NKAIN3: variants seen among roughly 807,000 people sequenced by gnomAD.
The protein encoded by NKAIN3 is sodium/potassium-transporting ATPase subunit beta-1-interacting protein 3.
A neutral mutation model predicts 30.2 loss-of-function variants in NKAIN3; 25 were observed. The observed-to-expected ratio is 0.83, with a 90% CI of 0.60 to 1.16. NKAIN3 has a LOEUF of 1.16. Among genes scored for constraint, NKAIN3 ranks in the 50% most tolerant of loss-of-function variants. NKAIN3 has a pLI of 0.00. For synonymous variants in NKAIN3, 91 were observed against 89.6 expected (o/e 1.02, Z -0.09); for missense variants, 225 against 254.1 (o/e 0.89, Z 0.78).
At chr8:62,926,347 G>T (rs564055029) in intron 5 of NKAIN3, among the ~76,000 whole-genome samples, 47 of 152,138 alleles carry the variant, frequency 3.1e-4, no homozygotes, top group African/African-American at 1.1e-3. Flanking sequence ...CCTTCTCAAC[G>T]GTCTCACAAA....
intron 3 of NKAIN3, among the ~76,000 whole-genome samples, chr8:62,736,835 T>C (rs1037957527): frequency 2.6e-5 from 4 of 152,190 alleles, no homozygotes; most frequent in Non-Finnish European, 5.9e-5. Context: ...TGAGACAAAG[T>C]CTTAAGTGGC....
At chr8:62,810,591 T>C (rs1156529641) in intron 4 of NKAIN3, among the ~76,000 whole-genome samples, 2 of 152,046 alleles carry the variant, frequency 1.3e-5, no homozygotes, top group African/African-American at 4.8e-5. Context: ...TTTTTATGTT[T>C]TATTTACCAT....
chr8:62,331,783 G>C (rs1879489), intron 1 of NKAIN3, among the ~76,000 whole-genome samples: 1 of 152,012 alleles, frequency 6.6e-6, no homozygotes, highest in African/African-American at 2.4e-5. Context: ...AGGTTATTAC[G>C]TATGTTGTCC....
chr8:62,957,604 T>C lies in NKAIN3; in HGVS notation c.603+3632T>C, dbSNP rs567760028. Among the ~76,000 whole-genome samples the C allele has an allele frequency of 8.2e-4, 125 of 152,228 alleles. 1 individual carries two copies. Among genetic ancestry groups the C allele is most frequent in the African/African-American group, 3.0e-3 (123 of 41,542 alleles). Reference sequence around the variant, plus strand: ...GGAGCATTAAATGCATGTTATGAAATGAAGGAAGTCAAACTGAAAAGGCTA... The same window carrying C: ...GGAGCATTAAATGCATGTTATGAAACGAAGGAAGTCAAACTGAAAAGGCTA... On this transcript the variant is annotated intron_variant, in intron 6 of 6. Coordinates refer to ENST00000623646, the MANE Select transcript of NKAIN3 (RefSeq NM_001304533.3).
At chr8:62,346,456 C>G (rs1263358468) in intron 1 of NKAIN3, among the ~76,000 whole-genome samples, 2 of 151,982 alleles carry the variant, frequency 1.3e-5, no homozygotes, top group East Asian at 3.9e-4. Context: ...GATTTGTAGA[C>G]CTTATGCAGC....
intron 3 of NKAIN3, among the ~76,000 whole-genome samples, chr8:62,677,508 A>G (rs750415480): frequency 6.6e-5 from 10 of 152,216 alleles, no homozygotes; most frequent in Non-Finnish European, 1.3e-4. Context: ...GAGTGCTTTG[A>G]TCATGACAAG....
chr8:62,882,742 T>C (rs1821024782), intron 4 of NKAIN3, among the ~76,000 whole-genome samples: 1 of 152,192 alleles, frequency 6.6e-6, no homozygotes, highest in South Asian at 2.1e-4. Context: ...AATTAATTTT[T>C]AAGGAGTGTA....
At chr8:62,914,170 A>G (rs1003655510) in intron 4 of NKAIN3, among the ~76,000 whole-genome samples, 1 of 152,242 alleles carries the variant, frequency 6.6e-6, no homozygotes, top group Non-Finnish European at 1.5e-5. Flanking sequence ...ACCATAAAAA[A>G]TAACGAAATC....
In NKAIN3 at chr8:62,268,887, C is replaced by T. The variant is rs184797568; in HGVS notation, c.54+19760C>T. 1.7e-3 allele frequency among the ~76,000 whole-genome samples: 252 copies of T among 152,310 alleles called. 1 individual carries two copies. The highest frequency in any genetic ancestry group is 5.6e-3 in the African/African-American group (231 of 41,576). On this transcript the variant is annotated intron_variant, in intron 1 of 6. Coordinates refer to ENST00000623646, the MANE Select transcript of NKAIN3 (RefSeq NM_001304533.3). Reference sequence around the variant, plus strand: ...ATCTGGGAATGCCTGACCAGGGATACTAGCTTGAGAAAAGGGCTCTCTAAA... The same window carrying T: ...ATCTGGGAATGCCTGACCAGGGATATTAGCTTGAGAAAAGGGCTCTCTAAA...
intron 1 of NKAIN3, among the ~76,000 whole-genome samples, chr8:62,477,555 T>TGGA: frequency 6.6e-6 from 1 of 152,248 alleles, no homozygotes; most frequent in Non-Finnish European, 1.5e-5. Flanking sequence ...TCCTTTTATA[T>TGGA]GTGCATATAT....
intron 1 of NKAIN3, among the ~76,000 whole-genome samples, chr8:62,281,950 T>C (rs1813210137): frequency 6.6e-6 from 1 of 152,130 alleles, no homozygotes; most frequent in South Asian, 2.1e-4. Flanking sequence ...TCACATCTCA[T>C]GTCCTGTCAC....
chr8:62,767,985 A>T (rs115131713), intron 4 of NKAIN3, among the ~76,000 whole-genome samples: 1,552 of 152,280 alleles, frequency 0.01, 27 homozygotes, highest in African/African-American at 0.034. Flanking sequence ...AAATTTATTA[A>T]TGTGGCTACT....
chr8:62,494,695 T>C (rs1807179492), intron 1 of NKAIN3, among the ~76,000 whole-genome samples: 1 of 152,098 alleles, frequency 6.6e-6, no homozygotes, highest in Non-Finnish European at 1.5e-5. Context: ...TTGGAGCTCA[T>C]TCTTGGTTCA....
chr8:62,285,767 A>G (rs1813362034), intron 1 of NKAIN3, among the ~76,000 whole-genome samples: 1 of 152,178 alleles, frequency 6.6e-6, no homozygotes, highest in African/African-American at 2.4e-5. Context: ...CAGTCATACA[A>G]AAATATCTGA....
intron 1 of NKAIN3, among the ~76,000 whole-genome samples, chr8:62,325,643 T>A (rs1209315716): frequency 1.3e-5 from 2 of 152,140 alleles, no homozygotes; most frequent in Non-Finnish European, 2.9e-5. Flanking sequence ...TGCCAACATC[T>A]GTTGTTTTTT....
chr8:62,650,178 C>T (rs6992264), intron 3 of NKAIN3, among the ~76,000 whole-genome samples: 3,041 of 152,198 alleles, frequency 0.02, 90 homozygotes, highest in African/African-American at 0.069. Context: ...TTCATCATAA[C>T]TCTTTATATG....
chr8:62,707,975 A>G (rs1413845898), intron 3 of NKAIN3, among the ~76,000 whole-genome samples: 3 of 152,098 alleles, frequency 2.0e-5, no homozygotes, highest in Non-Finnish European at 4.4e-5. Context: ...CATTTGTTGA[A>G]AAGGGTGTCC....
intron 1 of NKAIN3, among the ~76,000 whole-genome samples, chr8:62,516,414 T>G (rs1807982567): frequency 1.3e-5 from 2 of 152,088 alleles, no homozygotes; most frequent in South Asian, 4.1e-4. Context: ...ATGCATCTAT[T>G]TATTAGCAGG....
At chr8:62,258,490 A>C (rs1220746536) in intron 1 of NKAIN3, among the ~76,000 whole-genome samples, 1 of 151,860 alleles carries the variant, frequency 6.6e-6, no homozygotes, top group African/African-American at 2.4e-5. Flanking sequence ...CTCCAAAAAA[A>C]GGAAACAAAA....
Sources: allele counts gnomAD v4.1 joint callset (sites outside exome capture counted in the v4.1 genomes callset), GRCh38; gene constraint gnomAD v4.1.1; transcripts MANE v1.5; gene names NCBI Gene and HGNC (gene_info 2026-07-23, HGNC 2026-07-21).